The following PTPRK variants were observed in gnomAD, a reference collection of about 807,000 sequenced individuals.
The protein encoded by PTPRK is protein tyrosine phosphatase receptor type K.
PTPRK carries 75 observed loss-of-function variants against 178.0 expected under a neutral mutation model. The observed-to-expected ratio is 0.42, with a 90% CI of 0.35 to 0.51. PTPRK has a LOEUF of 0.51. Among genes scored for constraint, PTPRK ranks in the 20% least tolerant of loss-of-function variants. PTPRK has a pLI of 0.02. For missense variants in PTPRK, 1,441 were observed against 1,797.8 expected (o/e 0.80, Z 3.59); for synonymous variants, 637 against 620.6 (o/e 1.03, Z -0.39).
chr6:128,379,781 C>T (rs1237643462), intron 2 of PTPRK, among the ~76,000 whole-genome samples: 1 of 152,150 alleles, frequency 6.6e-6, no homozygotes, highest in African/African-American at 2.4e-5. Context: ...CACTAGTTGG[C>T]TAGACAGAGG....
chr6:128,117,694 C>T (rs776567718), intron 7 of PTPRK, among the ~76,000 whole-genome samples: 5 of 152,126 alleles, frequency 3.3e-5, no homozygotes, highest in Non-Finnish European at 4.4e-5. Flanking sequence ...ACTCTGTCGC[C>T]CAGGCTGGAG....
chr6:128,123,328 A>C (rs540666234), intron 7 of PTPRK, among the ~76,000 whole-genome samples: 8 of 152,200 alleles, frequency 5.3e-5, no homozygotes, highest in Non-Finnish European at 1.2e-4. Flanking sequence ...GAACAAGCTT[A>C]GGTTGTTTCA....
At chr6:128,430,084 T>C (rs1844639973) in intron 1 of PTPRK, among the ~76,000 whole-genome samples, 1 of 152,176 alleles carries the variant, frequency 6.6e-6, no homozygotes, top group Non-Finnish European at 1.5e-5. Context: ...TGAATGAGTA[T>C]GTTTATACAA....
intron 16 of PTPRK, among the ~76,000 whole-genome samples, chr6:127,998,435 AC>A (rs1777418523): frequency 6.6e-6 from 1 of 152,058 alleles, no homozygotes; most frequent in African/African-American, 2.4e-5. Flanking sequence ...ATGGGGAGAT[AC>A]GCAAAGTGTT....
intron 2 of PTPRK, among the ~76,000 whole-genome samples, chr6:128,392,328 T>C (rs1214819187): frequency 2.6e-5 from 4 of 152,180 alleles, no homozygotes; most frequent in East Asian, 1.9e-4. Flanking sequence ...GTTATTTTCA[T>C]TATTATCAGT....
chr6:128,072,162 T>C (rs539115317), intron 11 of PTPRK, among the ~76,000 whole-genome samples: 1 of 152,012 alleles, frequency 6.6e-6, no homozygotes, highest in Admixed American at 6.6e-5. Context: ...TTTAATAAAC[T>C]TCAAAAATAT....
chr6:128,071,721 A>G (rs375805955), intron 11 of PTPRK, among the ~76,000 whole-genome samples: 16 of 152,000 alleles, frequency 1.1e-4, no homozygotes, highest in African/African-American at 3.9e-4. Context: ...ACAGAAATCA[A>G]TTGTAATCAT....
At chr6:128,442,570 C>T (rs1289800470) in intron 1 of PTPRK, among the ~76,000 whole-genome samples, 1 of 152,188 alleles carries the variant, frequency 6.6e-6, no homozygotes, top group East Asian at 1.9e-4. Flanking sequence ...ATAAAATATA[C>T]CTAATTATTT....
chr6:128,019,717 C>T (rs951215781), intron 13 of PTPRK, among the ~76,000 whole-genome samples: 37 of 152,146 alleles, frequency 2.4e-4, no homozygotes, highest in Admixed American at 2.4e-3. Context: ...TCTCCACTCT[C>T]GTGCAGTTTA....
chr6:128,204,452 A>G (rs1806548555), intron 6 of PTPRK, among the ~76,000 whole-genome samples: 1 of 152,220 alleles, frequency 6.6e-6, no homozygotes, highest in African/African-American at 2.4e-5. Context: ...TCTGCACAGC[A>G]AAAGAAATTA....
chr6:128,302,769 C>G (rs998110979), intron 3 of PTPRK, among the ~76,000 whole-genome samples: 6 of 152,020 alleles, frequency 3.9e-5, no homozygotes, highest in African/African-American at 7.3e-5. Flanking sequence ...TCTGTTTATT[C>G]TTCCAGGGCA....
chr6:128,220,716 T>A (rs907510316), intron 5 of PTPRK, among the ~76,000 whole-genome samples: 1 of 152,218 alleles, frequency 6.6e-6, no homozygotes, highest in African/African-American at 2.4e-5. Flanking sequence ...AACTCTAAAT[T>A]ATCTGTGATT....
chr6:128,024,547 G>A (rs562162715), intron 13 of PTPRK, among the ~76,000 whole-genome samples: 104 of 152,186 alleles, frequency 6.8e-4, no homozygotes, highest in Admixed American at 2.2e-3. Flanking sequence ...GGTGGCTCAC[G>A]CCTGTAATCC....
intron 6 of PTPRK, among the ~76,000 whole-genome samples, chr6:128,195,562 C>T (rs989883522): frequency 1.1e-4 from 17 of 152,176 alleles, no homozygotes; most frequent in African/African-American, 3.9e-4. Flanking sequence ...GGTACAGAGT[C>T]ACGATGACTT....
chr6:128,104,963 T>C (rs1789435772), intron 7 of PTPRK, among the ~76,000 whole-genome samples: 1 of 152,064 alleles, frequency 6.6e-6, no homozygotes, highest in Non-Finnish European at 1.5e-5. Context: ...AAGATGAAAA[T>C]CTGAAGAGTA....
At chr6:128,127,468 T>A (rs569394688) in intron 7 of PTPRK, among the ~76,000 whole-genome samples, 106 of 152,342 alleles carry the variant, frequency 7.0e-4, no homozygotes, top group Non-Finnish European at 1.4e-3. Context: ...ATTTCTTTCA[T>A]CAGTGTTTTA....
At chr6:128,035,432 G>C (rs1250770583) in intron 13 of PTPRK, among the ~76,000 whole-genome samples, 1 of 152,018 alleles carries the variant, frequency 6.6e-6, no homozygotes, top group Middle Eastern at 3.4e-3. Flanking sequence ...TGAATCCTTC[G>C]CTGCTTACTG....
chr6:128,043,745 A>G (rs921669113), intron 13 of PTPRK, among the ~76,000 whole-genome samples: 1 of 151,968 alleles, frequency 6.6e-6, no homozygotes, highest in Non-Finnish European at 1.5e-5. Flanking sequence ...ATTACACACT[A>G]TCATCTCAGT....
chr6:128,165,299 T>C (rs1451729099), intron 7 of PTPRK, among the ~76,000 whole-genome samples: 2 of 151,404 alleles, frequency 1.3e-5, no homozygotes, highest in Non-Finnish European at 3.0e-5. Flanking sequence ...AAGTATATTG[T>C]GTACATTTAT....
Sources: allele counts gnomAD v4.1 joint callset (sites outside exome capture counted in the v4.1 genomes callset), GRCh38; gene constraint gnomAD v4.1.1; transcripts MANE v1.5; gene names NCBI Gene and HGNC (gene_info 2026-07-23, HGNC 2026-07-21).